Variants in GRM1 observed in about 807,000 individuals in gnomAD.
GRM1 encodes the protein glutamate metabotropic receptor 1, also known as metabotropic glutamate receptor 1.
A neutral mutation model predicts 90.9 loss-of-function variants in GRM1; 33 were observed. The ratio of observed to expected loss-of-function variants is 0.36; its 90% CI spans 0.28 to 0.49. The LOEUF (loss-of-function observed/expected upper bound fraction) is 0.49, where lower values mean the gene tolerates loss of function less well. GRM1 is among the 20% of genes least tolerant of loss of function. The pLI, the probability that GRM1 is intolerant of heterozygous loss-of-function variation, is 0.99. For missense variants in GRM1, 1,190 were observed against 1,534.3 expected (o/e 0.78, Z 3.75); for synonymous variants, 700 against 613.2 (o/e 1.14, Z -2.09).
intron 1 of GRM1, among the ~76,000 whole-genome samples, chr6:146,039,774 G>A (rs1791028339): frequency 6.6e-6 from 1 of 151,960 alleles, no homozygotes; most frequent in African/African-American, 2.4e-5. Flanking sequence ...TTTCTATGTA[G>A]CAGGGAGGTT....
chr6:146,378,868 G>T (rs1160605227), intron 5 of GRM1, among the ~76,000 whole-genome samples: 1 of 152,104 alleles, frequency 6.6e-6, no homozygotes, highest in Non-Finnish European at 1.5e-5. Context: ...TTGTGATAGT[G>T]AAGAAGTGAA....
chr6:146,145,260 AAGAT>A (rs1236336007), intron 1 of GRM1, among the ~76,000 whole-genome samples: 1 of 152,226 alleles, frequency 6.6e-6, no homozygotes, highest in Non-Finnish European at 1.5e-5. Flanking sequence ...CCATATGGTG[AAGAT>A]ATTAGCACAG....
At chr6:146,184,003 C>T (rs576505926) in intron 2 of GRM1, among the ~76,000 whole-genome samples, 66 of 152,180 alleles carry the variant, frequency 4.3e-4, no homozygotes, top group African/African-American at 1.4e-3. Flanking sequence ...GGTCTCCTCC[C>T]CACTGAGAAC....
chr6:146,419,647 G>A lies in GRM1; in HGVS notation c.2661-14225G>A, dbSNP rs1297270285. 2.0e-5 allele frequency among the ~76,000 whole-genome samples: 3 copies of A among 152,140 alleles called. No homozygotes were observed. In the East Asian group the frequency reaches 5.8e-4, roughly 29 times the overall value. On this transcript the variant is annotated intron_variant, in intron 7 of 7. Coordinates refer to ENST00000282753, the MANE Select transcript of GRM1 (RefSeq NM_001278064.2). ...GCTTAACAGGAATCACGACTGGGAG[G>A]CCTCAGGAAACTTACAAACATGGCA...
chr6:146,280,540 T>G (rs1782529908), intron 2 of GRM1, among the ~76,000 whole-genome samples: 1 of 152,182 alleles, frequency 6.6e-6, no homozygotes, highest in Non-Finnish European at 1.5e-5. Flanking sequence ...AATTGTATAA[T>G]TTTTCTTACC....
chr6:146,367,398 A>G lies in GRM1; in HGVS notation c.1602+9704A>G, dbSNP rs545414806. On this transcript the variant is annotated intron_variant, in intron 5 of 7. Coordinates refer to ENST00000282753, the MANE Select transcript of GRM1 (RefSeq NM_001278064.2). ...GTTATTTGGATTATTTTGTGGTTCC[A>G]TGAGAATTTTAGGATTTTTTTTTCT... 7.9e-5 allele frequency among the ~76,000 whole-genome samples: 12 copies of G among 152,208 alleles called. No homozygotes were observed. The South Asian group carries it at 2.5e-3, about 32-fold the overall frequency.
At chr6:146,318,164 C>T (rs957717574) in intron 3 of GRM1, among the ~76,000 whole-genome samples, 4 of 152,092 alleles carry the variant, frequency 2.6e-5, no homozygotes, top group Non-Finnish European at 4.4e-5. Flanking sequence ...CCCTATCCCC[C>T]AACAGGCCCC....
At chr6:146,206,539 G>GTC in intron 2 of GRM1, among the ~76,000 whole-genome samples, 1 of 152,002 alleles carries the variant, frequency 6.6e-6, no homozygotes, top group Non-Finnish European at 1.5e-5. Context: ...TGTATTCTCT[G>GTC]TCTCTCTGTC....
chr6:146,315,653 T>A (rs551855928), intron 3 of GRM1, among the ~76,000 whole-genome samples: 10 of 152,280 alleles, frequency 6.6e-5, no homozygotes, highest in South Asian at 2.1e-4. Flanking sequence ...AGAATCAGAA[T>A]CTTTGGAGTG....
At chr6:146,262,084 CAA>C (rs11392952) in intron 2 of GRM1, among the ~76,000 whole-genome samples, 10 of 101,374 alleles carry the variant, frequency 9.9e-5, no homozygotes, top group Non-Finnish European at 4.8e-5. Context: ...GAAAACAAAA[CAA>C]AAAAAAAAAA....
intron 1 of GRM1, among the ~76,000 whole-genome samples, chr6:146,101,655 A>G (rs1260675062): frequency 6.6e-6 from 1 of 152,052 alleles, no homozygotes; most frequent in African/African-American, 2.4e-5. Context: ...CAAGGTCCTT[A>G]TGTTGATTTT....
intron 1 of GRM1, among the ~76,000 whole-genome samples, chr6:146,140,537 G>A (rs1776835416): frequency 6.6e-6 from 1 of 152,092 alleles, no homozygotes; most frequent in South Asian, 2.1e-4. Flanking sequence ...CCAAAATTCT[G>A]GGATTATAGG....
chr6:146,110,274 T>G (rs1490103829), intron 1 of GRM1, among the ~76,000 whole-genome samples: 2 of 152,112 alleles, frequency 1.3e-5, no homozygotes, highest in African/African-American at 4.8e-5. Flanking sequence ...GGAAGATAAT[T>G]GAATCATGGG....
intron 1 of GRM1, among the ~76,000 whole-genome samples, chr6:146,133,828 A>G (rs561679714): frequency 5.0e-4 from 76 of 152,300 alleles, no homozygotes; most frequent in African/African-American, 1.8e-3. Context: ...GCACGTTAGG[A>G]TATCAGGGCT....
chr6:146,414,504 G>C (rs527429922), intron 7 of GRM1, among the ~76,000 whole-genome samples: 13 of 151,982 alleles, frequency 8.6e-5, no homozygotes, highest in Admixed American at 4.6e-4. Flanking sequence ...CCGGGTTCAC[G>C]CCATTCTCCT....
intron 1 of GRM1, among the ~76,000 whole-genome samples, chr6:146,057,175 T>A (rs1175628788): frequency 6.6e-6 from 1 of 152,186 alleles, no homozygotes; most frequent in African/African-American, 2.4e-5. Flanking sequence ...AGACTTTTTA[T>A]CTTTTTCATC....
chr6:146,300,894 A>G (rs1265926188), intron 2 of GRM1, among the ~76,000 whole-genome samples: 1 of 152,252 alleles, frequency 6.6e-6, no homozygotes, highest in Non-Finnish European at 1.5e-5. Flanking sequence ...AGTGTACTTC[A>G]GAGAAAATTC....
intron 7 of GRM1, among the ~76,000 whole-genome samples, chr6:146,414,071 A>T (rs138697347): frequency 1.3e-5 from 2 of 152,310 alleles, no homozygotes; most frequent in East Asian, 3.9e-4. Flanking sequence ...ATGCTTAGGA[A>T]TGAAATTGCT....
At chr6:146,133,371 A>T (rs1018689862) in intron 1 of GRM1, among the ~76,000 whole-genome samples, 1 of 152,210 alleles carries the variant, frequency 6.6e-6, no homozygotes, top group Non-Finnish European at 1.5e-5. Context: ...ATTAGACACT[A>T]ACACATTCTC....
Sources: allele counts gnomAD v4.1 joint callset (sites outside exome capture counted in the v4.1 genomes callset), GRCh38; gene constraint gnomAD v4.1.1; transcripts MANE v1.5; gene names NCBI Gene and HGNC (gene_info 2026-07-23, HGNC 2026-07-21).